Variants in ARHGAP28 observed in about 807,000 individuals in gnomAD.
ARHGAP28 encodes the protein Rho GTPase activating protein 28, also known as rho GTPase-activating protein 28.
In ARHGAP28, 56 loss-of-function variants were observed where a neutral mutation model predicts 90.7. The ratio of observed to expected loss-of-function variants is 0.62; its 90% CI spans 0.50 to 0.77. ARHGAP28 has a LOEUF of 0.77. Ranked by LOEUF, ARHGAP28 falls within the 30% of genes least tolerant of loss-of-function variation. ARHGAP28 has a pLI of 0.00. For missense variants in ARHGAP28, 869 were observed against 900.9 expected (o/e 0.96, Z 0.45); for synonymous variants, 308 against 323.3 (o/e 0.95, Z 0.51).
rs115779689 is a variant in ARHGAP28 at position 6,884,538 on chromosome 18, A to G, written c.1453+2239A>G. 7.4e-3 allele frequency among the ~76,000 whole-genome samples: 1,122 copies of G among 152,284 alleles called. 20 individuals carry two copies. Among genetic ancestry groups the G allele is most frequent in the African/African-American group, 0.025 (1,058 of 41,544 alleles). On this transcript the variant is annotated intron_variant, in intron 11 of 17. Transcript: ENST00000383472. ...TGAATATAGTCTTTGGAGACTATGG[A>G]TTCTGAAGTATTTCTCCAAAGAATG...
chr18:6,778,798 T>C (rs1230991784), intron 1 of ARHGAP28: 1 of 152,224 alleles, frequency 6.6e-6, no homozygotes, highest in African/African-American at 2.4e-5. Flanking sequence ...TGTCTGGAAA[T>C]GTTTTTATCT....
intron 10 of ARHGAP28, 35 bp from the exon 11 acceptor site, chr18:6,882,102 T>G: frequency 6.3e-7 from 1 of 1,575,998 alleles, no homozygotes; most frequent in Admixed American, 1.8e-5. Flanking sequence ...GTGGTAAAAG[T>G]GCATTGAATA....
At chr18:6,900,566 G>A (rs957512272) in intron 16 of ARHGAP28, among the ~76,000 whole-genome samples, 8 of 152,012 alleles carry the variant, frequency 5.3e-5, no homozygotes, top group Non-Finnish European at 7.4e-5. Flanking sequence ...AGATAACAGC[G>A]GATAGAATTA....
Position 6,870,722 on chromosome 18 carries a change from A to G in ARHGAP28, c.944A>G (p.Tyr315Cys). 1.2e-6 allele frequency: 2 copies of G among 1,606,190 alleles called. No individual in the cohort carries two copies. The highest frequency in any genetic ancestry group is 1.7e-6 in the Non-Finnish European group (2 of 1,177,998). Reference protein sequence around the residue: ...LKKSEIKKEDYVLTKFNVQKT... With the variant: ...LKKSEIKKEDCVLTKFNVQKT... ...AAATCAGAGATTAAGAAAGAAGACT[A>G]TGTTTTAACTGTAAGCAAAACCTTT... Residue 315 changes from tyrosine to cysteine, a missense_variant, in exon 7 of 18, where the codon TAT becomes TGT. Physicochemically the swap from Tyr to Cys is radical, Grantham distance 194. Transcript: ENST00000383472.
At chr18:6,854,923 C>T (rs144751378) in intron 4 of ARHGAP28, among the ~76,000 whole-genome samples, 1 of 152,360 alleles carries the variant, frequency 6.6e-6, no homozygotes, top group African/African-American at 2.4e-5. Flanking sequence ...AGCCCGGGCG[C>T]TGTTGCAACC....
intron 1 of ARHGAP28, among the ~76,000 whole-genome samples, chr18:6,765,554 T>C (rs1220795024): frequency 6.6e-6 from 1 of 152,116 alleles, no homozygotes; most frequent in Non-Finnish European, 1.5e-5. Flanking sequence ...ACTTATCTTT[T>C]CCAAACTCTG....
chr18:6,748,868 T>C (rs993512040), intron 1 of ARHGAP28, among the ~76,000 whole-genome samples: 1 of 152,168 alleles, frequency 6.6e-6, no homozygotes, highest in African/African-American at 2.4e-5. Flanking sequence ...GTTTGGTCTG[T>C]GTTTCTAGTG....
chr18:6,871,243 G>A (rs1218019580), intron 7 of ARHGAP28, among the ~76,000 whole-genome samples: 3 of 152,198 alleles, frequency 2.0e-5, no homozygotes, highest in African/African-American at 7.2e-5. Flanking sequence ...CTGTGTGGAG[G>A]AAAAGTTGTG....
At chr18:6,761,864 A>G (rs1035111710) in intron 1 of ARHGAP28, among the ~76,000 whole-genome samples, 9 of 152,126 alleles carry the variant, frequency 5.9e-5, no homozygotes, top group African/African-American at 1.9e-4. Context: ...CCTTATTTGT[A>G]AGAAGATGTA....
At position 6,839,345 on chromosome 18, in the gene ARHGAP28, G is replaced by C. The variant is rs138485390; in HGVS notation, c.543+1931G>C. Among the ~76,000 whole-genome samples the C allele has an allele frequency of 5.8e-3, 875 of 149,830 alleles. 8 individuals carry two copies. The highest frequency in any genetic ancestry group is 0.01 in the Middle Eastern group (3 of 288). ...GTCTCGCTCTGTCGCCCAGGCTGGA[G>C]TGCAGTGGCGCAATCTCGGCTCACT... On this transcript the variant is annotated intron_variant, in intron 3 of 17. Transcript: ENST00000383472.
intron 3 of ARHGAP28, 87 bp downstream of exon 3, chr18:6,837,501 A>T: frequency 1.0e-6 from 1 of 985,662 alleles, no homozygotes; most frequent in East Asian, 2.6e-5. Flanking sequence ...AAAATATCAG[A>T]AATGTCTGCT....
intron 1 of ARHGAP28, among the ~76,000 whole-genome samples, chr18:6,776,866 A>G (rs897803013): frequency 6.6e-6 from 1 of 152,170 alleles, no homozygotes; most frequent in East Asian, 1.9e-4. Context: ...GCCCAACTTA[A>G]AGGATCCATG....
intron 1 of ARHGAP28, chr18:6,778,813 T>G (rs1184037295): frequency 6.6e-6 from 1 of 152,232 alleles, no homozygotes; most frequent in Non-Finnish European, 1.5e-5. Flanking sequence ...TTATCTGACT[T>G]TCCTGAATAC....
At chr18:6,801,629 T>G (rs1414991853) in intron 1 of ARHGAP28, among the ~76,000 whole-genome samples, 1 of 152,166 alleles carries the variant, frequency 6.6e-6, no homozygotes, top group East Asian at 1.9e-4. Context: ...ATGTGACTTT[T>G]AAAATTTGCT....
At chr18:6,768,571 T>C (rs568707271) in intron 1 of ARHGAP28, among the ~76,000 whole-genome samples, 1 of 152,126 alleles carries the variant, frequency 6.6e-6, no homozygotes, top group Non-Finnish European at 1.5e-5. Flanking sequence ...GATTAACTTA[T>C]GGAAGATCCT....
chr18:6,898,150 C>T (rs952521027), intron 16 of ARHGAP28: 10 of 235,212 alleles, frequency 4.3e-5, no homozygotes, highest in East Asian at 2.7e-4. Context: ...GAGGTAAGGA[C>T]GGTAGTGTTT....
At chr18:6,831,173 T>C (rs2056712123) in intron 2 of ARHGAP28, among the ~76,000 whole-genome samples, 1 of 152,188 alleles carries the variant, frequency 6.6e-6, no homozygotes, top group African/African-American at 2.4e-5. Flanking sequence ...TACATTTCGC[T>C]GATGACTAAT....
intron 16 of ARHGAP28, among the ~76,000 whole-genome samples, chr18:6,900,361 CAAG>C (rs2057331972): frequency 6.6e-6 from 1 of 152,078 alleles, no homozygotes; most frequent in Non-Finnish European, 1.5e-5. Flanking sequence ...AATTTTCTGA[CAAG>C]AATTTTATAG....
intron 14 of ARHGAP28, among the ~76,000 whole-genome samples, chr18:6,891,771 T>C (rs56714110): frequency 0.25 from 38,562 of 151,870 alleles, 5,286 homozygotes; most frequent in Non-Finnish European, 0.3. Context: ...AAAAAAAATT[T>C]TGTAGAGATG....
Sources: gnomAD v4.1 joint callset for allele counts (sites outside exome capture counted in the v4.1 genomes callset) on GRCh38, gnomAD v4.1.1 for gene constraint, MANE v1.5 for transcripts, NCBI Gene and HGNC (gene_info 2026-07-23, HGNC 2026-07-21) for gene names.